Variants in IGSF10 observed in about 807,000 individuals in gnomAD.
IGSF10 encodes immunoglobulin superfamily member 10, also known as calvaria mechanical force protein 608.
In IGSF10, 126 loss-of-function variants were observed where a neutral mutation model predicts 128.2. That is an observed-to-expected ratio of 0.98 (90% confidence interval 0.85 to 1.14). IGSF10 has a LOEUF of 1.14. Among genes scored for constraint, IGSF10 ranks in the 50% most tolerant of loss-of-function variants. The pLI is 0.00. For synonymous variants in IGSF10, 1,185 were observed against 1,146.2 expected (o/e 1.03, Z -0.68); for missense variants, 3,295 against 3,149.8 (o/e 1.05, Z -1.10).
the IGSF10 span, among the ~76,000 whole-genome samples, chr3:151,522,494 A>T: frequency 6.6e-6 from 1 of 152,078 alleles, no homozygotes; most frequent in Non-Finnish European, 1.5e-5. Flanking sequence ...AATCCACTAC[A>T]ATCAAGTAGG....
At chr3:151,490,444 T>C in the IGSF10 span, among the ~76,000 whole-genome samples, 3 of 151,544 alleles carry the variant, frequency 2.0e-5, no homozygotes, top group African/African-American at 7.3e-5. Flanking sequence ...ATATCCCATA[T>C]TCAACAATGG....
chr3:151,449,919 G>T (rs1288119269), intron 5 of IGSF10, among the ~76,000 whole-genome samples: 2 of 152,202 alleles, frequency 1.3e-5, no homozygotes, highest in African/African-American at 4.8e-5. Flanking sequence ...GTGACTAAAA[G>T]GAAGGGTCAA....
the IGSF10 span, among the ~76,000 whole-genome samples, chr3:151,500,238 AT>A: frequency 6.6e-6 from 1 of 152,168 alleles, no homozygotes; most frequent in East Asian, 1.9e-4. Flanking sequence ...CACCAGTTTC[AT>A]AAATGCACTA....
At chr3:151,523,844 G>A in the IGSF10 span, among the ~76,000 whole-genome samples, 1 of 152,012 alleles carries the variant, frequency 6.6e-6, no homozygotes, top group African/African-American at 2.4e-5. Flanking sequence ...GAACAGCAAT[G>A]GAAACTATCA....
At chr3:151,511,153 A>T in the IGSF10 span, among the ~76,000 whole-genome samples, 1 of 152,170 alleles carries the variant, frequency 6.6e-6, no homozygotes, top group East Asian at 1.9e-4. Flanking sequence ...ACTCCAAGAC[A>T]CATAATTGTC....
intron 2 of IGSF10, among the ~76,000 whole-genome samples, 159 bp from the exon 3 acceptor site, chr3:151,458,869 A>G (rs989041430): frequency 6.6e-6 from 1 of 152,190 alleles, no homozygotes; most frequent in Non-Finnish European, 1.5e-5. Context: ...TTACAAAACT[A>G]TAGTGTGTGC....
At chr3:151,543,679 A>G in the IGSF10 span, among the ~76,000 whole-genome samples, 3 of 152,164 alleles carry the variant, frequency 2.0e-5, no homozygotes, top group East Asian at 5.8e-4. Context: ...TTTACAGACA[A>G]TAGTGGCTCA....
chr3:151,572,329 G>A, the IGSF10 span, among the ~76,000 whole-genome samples: 275 of 152,254 alleles, frequency 1.8e-3, 1 homozygote, highest in African/African-American at 6.3e-3. Flanking sequence ...GGTAGAATTC[G>A]GCTGTGAATC....
At chr3:151,528,118 G>A in the IGSF10 span, among the ~76,000 whole-genome samples, 13 of 152,134 alleles carry the variant, frequency 8.5e-5, no homozygotes, top group Non-Finnish European at 1.9e-4. Flanking sequence ...CAATGATACA[G>A]TAGGTTAAGC....
At chr3:151,559,245 A>G in the IGSF10 span, among the ~76,000 whole-genome samples, 1 of 152,204 alleles carries the variant, frequency 6.6e-6, no homozygotes, top group South Asian at 2.1e-4. Flanking sequence ...AAGCACAGGC[A>G]CGTACCTGAA....
chr3:151,530,570 TAAAGA>T, the IGSF10 span, among the ~76,000 whole-genome samples: 1 of 152,108 alleles, frequency 6.6e-6, no homozygotes, highest in African/African-American at 2.4e-5. Flanking sequence ...TCAACGTTCT[TAAAGA>T]AGAGAATTTC....
chr3:151,562,930 C>T, the IGSF10 span, among the ~76,000 whole-genome samples: 1 of 151,998 alleles, frequency 6.6e-6, no homozygotes, highest in South Asian at 2.1e-4. Flanking sequence ...TCATTTAACC[C>T]CCTCCACCTA....
chr3:151,489,478 A>G, the IGSF10 span, among the ~76,000 whole-genome samples: 1 of 152,168 alleles, frequency 6.6e-6, no homozygotes, highest in African/African-American at 2.4e-5. Context: ...CTGGGTATAT[A>G]CCCAGAGGAT....
the IGSF10 span, among the ~76,000 whole-genome samples, chr3:151,532,706 A>G: frequency 6.6e-6 from 1 of 152,196 alleles, no homozygotes; most frequent in South Asian, 2.1e-4. Context: ...TGACAAACCA[A>G]CAGCCAATAT....
Position 151,446,421 on chromosome 3 carries a change from T to A in IGSF10, c.3560A>T (p.Lys1187Met), listed in dbSNP as rs1721191435. The change falls in exon 6 of 8, where the codon AAG (lysine) becomes ATG (methionine). Residue 1187 changes from lysine to methionine, a missense_variant. Lys to Met is a moderately conservative substitution (Grantham distance 95). Coordinates refer to ENST00000282466, the MANE Select transcript of IGSF10 (RefSeq NM_178822.5). Reference protein sequence around the residue: ...ITSSLSGAITKPPMTIIAITR... With the variant: ...ITSSLSGAITMPPMTIIAITR... ...AATGGCTATAATAGTCATTGGTGGC[T>A]TGGTGATAGCACCTGAAAGTGACGA... 6.2e-7 allele frequency: 1 copy of A among 1,614,010 alleles called. No individual in the cohort carries two copies. Among genetic ancestry groups the A allele is most frequent in the African/African-American group, 1.3e-5 (1 of 74,944 alleles).
chr3:151,500,202 A>G, the IGSF10 span, among the ~76,000 whole-genome samples: 1 of 152,192 alleles, frequency 6.6e-6, no homozygotes, highest in African/African-American at 2.4e-5. Context: ...ATGTAACCTT[A>G]TTTTCTATTT....
At chr3:151,468,379 A>AC in the IGSF10 span, among the ~76,000 whole-genome samples, 1 of 152,166 alleles carries the variant, frequency 6.6e-6, no homozygotes, top group East Asian at 1.9e-4. Flanking sequence ...GAAATTCTTT[A>AC]CCCCAAGATA....
rs1333432301 is a variant in IGSF10, at chr3:151,458,664, C to T, written c.46G>A (p.Ala16Thr). The change falls in exon 3 of 8, where the codon GCT (alanine) becomes ACT (threonine). Residue 16 changes from alanine (A) to threonine (T), a missense_variant. By Grantham distance (58) the Ala-to-Thr change is moderately conservative. Transcript: ENST00000282466. ...GGGGTGGCGACCAGGCAGATCACAG[C>T]AAAGGAGACCAGCAAGCAGGTGATT... Reference protein sequence around the residue: ...RGITCLLVSFAVICLVATPGG... With the variant: ...RGITCLLVSFTVICLVATPGG... The T allele has an allele frequency of 6.2e-7, 1 of 1,613,902 alleles. No individual in the cohort carries two copies. The highest frequency in any genetic ancestry group is 2.2e-5 in the East Asian group (1 of 44,896).
chr3:151,600,314 C>T, the IGSF10 span, among the ~76,000 whole-genome samples: 1 of 151,960 alleles, frequency 6.6e-6, no homozygotes, highest in Non-Finnish European at 1.5e-5. Flanking sequence ...AGTGAATTTC[C>T]ATTTCACTTT....
Sources: allele counts gnomAD v4.1 joint callset (sites outside exome capture counted in the v4.1 genomes callset), GRCh38; gene constraint gnomAD v4.1.1; transcripts MANE v1.5; gene names NCBI Gene and HGNC (gene_info 2026-07-23, HGNC 2026-07-21).